PDE8B: variants seen among roughly 807,000 people sequenced by gnomAD.
PDE8B encodes the protein high affinity cAMP-specific and IBMX-insensitive 3',5'-cyclic phosphodiesterase 8B.
In PDE8B, 26 loss-of-function variants were observed where a neutral mutation model predicts 101.3. That is an observed-to-expected ratio of 0.26 (90% CI 0.19 to 0.36). The LOEUF is 0.36. Among genes scored for constraint, PDE8B ranks in the 10% least tolerant of loss-of-function variants. The pLI is 1.00. For synonymous variants in PDE8B, 424 were observed against 429.3 expected, an observed-to-expected ratio of 0.99 and a Z score of 0.15; for missense variants, 810 against 1,163.1, an observed-to-expected ratio of 0.70 and a Z score of 4.42.
the PDE8B span, among the ~76,000 whole-genome samples, chr5:77,187,026 G>T: frequency 6.6e-6 from 1 of 152,218 alleles, no homozygotes; most frequent in African/African-American, 2.4e-5. Flanking sequence ...TGTCAGCCAG[G>T]CAGTGGTTGT....
intron 20 of PDE8B, among the ~76,000 whole-genome samples, chr5:77,423,643 T>G (rs1287111846): frequency 1.6e-5 from 2 of 125,640 alleles, no homozygotes; most frequent in South Asian, 3.0e-4. Flanking sequence ...TTTTTTTTTT[T>G]TTTTTTTTTT....
the PDE8B span, among the ~76,000 whole-genome samples, chr5:77,107,140 G>C: frequency 6.6e-6 from 1 of 151,988 alleles, no homozygotes; most frequent in South Asian, 2.1e-4. Flanking sequence ...CTATGAGTAA[G>C]AACATGCAGT....
At chr5:77,424,824 T>TG (rs1797608123) in intron 20 of PDE8B, among the ~76,000 whole-genome samples, 2 of 108,404 alleles carry the variant, frequency 1.8e-5, no homozygotes, top group South Asian at 2.7e-4. Context: ...TTTTTGTTTT[T>TG]TGTTTTTTGT....
chr5:77,337,131 G>A (rs1486293538), intron 5 of PDE8B, 96 bp from the exon 6 acceptor site: 2 of 731,888 alleles, frequency 2.7e-6, no homozygotes, highest in Admixed American at 4.0e-5. Flanking sequence ...ATATAACGGA[G>A]TTACCTGGGG....
At chr5:77,258,560 C>T (rs1456397583) in intron 1 of PDE8B, among the ~76,000 whole-genome samples, 4 of 152,184 alleles carry the variant, frequency 2.6e-5, no homozygotes, top group Non-Finnish European at 5.9e-5. Flanking sequence ...AAGAACCCCA[C>T]ACTTTAAAAA....
At chr5:77,346,873 A>T (rs1780236821) in intron 7 of PDE8B, among the ~76,000 whole-genome samples, 1 of 152,220 alleles carries the variant, frequency 6.6e-6, no homozygotes, top group Admixed American at 6.5e-5. Flanking sequence ...TGTGCTATAA[A>T]TTTTGAGGAT....
the PDE8B span, among the ~76,000 whole-genome samples, chr5:77,135,013 G>C: frequency 1.3e-5 from 2 of 152,136 alleles, no homozygotes; most frequent in South Asian, 4.1e-4. Context: ...GCTACGTAGA[G>C]GCCATACTTC....
At chr5:77,418,013 ACTGTGGCTCAGG>A (rs1795920821) in intron 17 of PDE8B, among the ~76,000 whole-genome samples, 1 of 152,176 alleles carries the variant, frequency 6.6e-6, no homozygotes, top group Non-Finnish European at 1.5e-5. Flanking sequence ...GTCTGCTGTA[ACTGTGGCTCAGG>A]TTGCCCTCCA....
intron 1 of PDE8B, among the ~76,000 whole-genome samples, chr5:77,258,772 C>G (rs1481331821): frequency 6.6e-6 from 1 of 152,064 alleles, no homozygotes; most frequent in Non-Finnish European, 1.5e-5. Context: ...GTTCAGTGCT[C>G]CTACGCTTCC....
chr5:77,320,662 G>A (rs976713451), intron 2 of PDE8B, among the ~76,000 whole-genome samples: 5 of 152,026 alleles, frequency 3.3e-5, no homozygotes, highest in South Asian at 2.1e-4. Context: ...ACAAGTCATC[G>A]ATAAATATTC....
At chr5:77,376,007 C>T (rs1786057631) in intron 10 of PDE8B, among the ~76,000 whole-genome samples, 1 of 151,130 alleles carries the variant, frequency 6.6e-6, no homozygotes, top group African/African-American at 2.4e-5. Flanking sequence ...ATTCTCCTGC[C>T]TCCACCTCCT....
At chr5:77,357,337 A>G (rs1313842197) in intron 10 of PDE8B, among the ~76,000 whole-genome samples, 1 of 152,210 alleles carries the variant, frequency 6.6e-6, no homozygotes, top group African/African-American at 2.4e-5. Flanking sequence ...GAGACCACAC[A>G]TGCTTAGAAA....
intron 1 of PDE8B, among the ~76,000 whole-genome samples, chr5:77,235,725 C>T (rs1294408637): frequency 6.6e-6 from 1 of 151,438 alleles, no homozygotes; most frequent in African/African-American, 2.4e-5. Context: ...TTCACTTACA[C>T]CTTCATTCGT....
chr5:77,244,736 C>T (rs984470989), intron 1 of PDE8B, among the ~76,000 whole-genome samples: 2 of 151,984 alleles, frequency 1.3e-5, no homozygotes, highest in African/African-American at 4.8e-5. Context: ...AGACACTAAG[C>T]ATCAAGAGAT....
rs772962358 is a variant in PDE8B at position 77,210,985 on chromosome 5, G to T, written c.60G>T (p.Ser20=). The part of the protein sequence containing the change: ...SQSGVIYCRD[S]DESSSPRQTT... ...GCGGCGTGATCTACTGCCGGGACTC[G>T]GACGAGTCCAGCTCGCCCCGCCAGA... is the stretch of plus-strand genomic sequence containing the variant. Residue 20 remains serine, a synonymous_variant, in exon 1 of 22, where the codon TCG becomes TCT. Coordinates refer to ENST00000264917, the MANE Select transcript of PDE8B (RefSeq NM_003719.5). The surrounding 1 kb of genome is among the most constrained non-coding windows in gnomAD (Gnocchi z 4.9). 9 of 1,540,714 alleles carry T rather than the reference G, an allele frequency of 5.8e-6. No homozygotes were observed. In the Admixed American group the frequency reaches 1.5e-4, roughly 26 times the overall value.
intron 1 of PDE8B, among the ~76,000 whole-genome samples, chr5:77,311,225 G>T (rs907050586): frequency 6.6e-6 from 1 of 152,174 alleles, no homozygotes; most frequent in Non-Finnish European, 1.5e-5. Context: ...GTCACTTTTA[G>T]AAATCTCAGT....
the PDE8B span, among the ~76,000 whole-genome samples, chr5:77,149,563 G>T: frequency 2.6e-5 from 4 of 152,040 alleles, no homozygotes; most frequent in African/African-American, 7.2e-5. Context: ...AATTTTTAGC[G>T]TACAAGTCTT....
rs1366726962 is a variant in PDE8B, at chr5:77,210,943, C to T, written c.18C>T (p.Ser6=). ...GCCGAGGGATGGGCTGCGCCCCCAG[C>T]ATCCATGTCTCGCAGAGCGGCGTGA... MGCAP[S]IHVSQSGVIY... is the part of the protein sequence containing the mutation. Residue 6 remains serine (S), a synonymous_variant, in exon 1 of 22, where the codon AGC becomes AGT. Coordinates refer to ENST00000264917, the MANE Select transcript of PDE8B (RefSeq NM_003719.5). This position sits in a 1 kb window ranked among gnomAD's most constrained non-coding sequence, Gnocchi z 4.9. 1.3e-6 allele frequency: 2 copies of T among 1,504,882 alleles called. No individual in the cohort carries two copies. Among genetic ancestry groups the T allele is most frequent in the Non-Finnish European group, 1.8e-6 (2 of 1,134,896 alleles). The allele number at this position is 1,504,882 out of a possible 1,614,324, so 93.2% of individuals were successfully genotyped here. A position where few individuals can be genotyped will look rare whatever the true frequency, so the allele number is the denominator to read the frequency against.
chr5:77,320,573 T>C (rs1774823619), intron 2 of PDE8B, among the ~76,000 whole-genome samples: 2 of 152,164 alleles, frequency 1.3e-5, no homozygotes, highest in South Asian at 4.1e-4. Context: ...TCTGCTTCCT[T>C]GACTGGAGCC....
Sources: allele counts gnomAD v4.1 joint callset (sites outside exome capture counted in the v4.1 genomes callset), GRCh38; gene constraint gnomAD v4.1.1; non-coding constraint Gnocchi (gnomAD v3.1); transcripts MANE v1.5; gene names NCBI Gene and HGNC (gene_info 2026-07-23, HGNC 2026-07-21).